MYO1D: variants seen among roughly 807,000 people sequenced by gnomAD.
MYO1D encodes unconventional myosin-Id.
MYO1D carries 83 observed loss-of-function variants against 122.0 expected under a neutral mutation model. The observed-to-expected ratio is 0.68, with a 90% CI of 0.57 to 0.82. The LOEUF is 0.82. Among genes scored for constraint, MYO1D ranks in the 40% least tolerant of loss-of-function variants. The pLI is 0.00. For missense variants in MYO1D, 1,157 were observed against 1,269.5 expected, an observed-to-expected ratio of 0.91 and a Z score of 1.35; for synonymous variants, 464 against 446.9, an observed-to-expected ratio of 1.04 and a Z score of -0.48.
chr17:32,505,112 T>G (rs1909459126), intron 21 of MYO1D: 1 of 152,360 alleles, frequency 6.6e-6, no homozygotes, highest in African/African-American at 2.4e-5. Flanking sequence ...CTCCACACAG[T>G]CATCAGAGAG....
chr17:32,859,720 A>G (rs1159643213), intron 1 of MYO1D, among the ~76,000 whole-genome samples: 1 of 152,226 alleles, frequency 6.6e-6, no homozygotes, highest in African/African-American at 2.4e-5. Context: ...CTTAAATGAC[A>G]TGGTTTCAAG....
At chr17:32,753,412 C>T (rs2089917619) in intron 11 of MYO1D, among the ~76,000 whole-genome samples, 1 of 152,000 alleles carries the variant, frequency 6.6e-6, no homozygotes, top group African/African-American at 2.4e-5. Context: ...AATAAATAAA[C>T]AAATAAATAA....
chr17:32,733,013 C>T (rs2089658553), intron 14 of MYO1D, among the ~76,000 whole-genome samples: 1 of 152,186 alleles, frequency 6.6e-6, no homozygotes, highest in Non-Finnish European at 1.5e-5. Context: ...TGTGCCGGCA[C>T]CTGGAGCTGC....
intron 21 of MYO1D, among the ~76,000 whole-genome samples, chr17:32,591,947 G>A (rs1466802040): frequency 6.6e-6 from 1 of 152,184 alleles, no homozygotes; most frequent in Non-Finnish European, 1.5e-5. Flanking sequence ...GATAAAGAAA[G>A]ACTGTCATAG....
intron 14 of MYO1D, among the ~76,000 whole-genome samples, chr17:32,730,572 C>G (rs1025163062): frequency 6.6e-6 from 1 of 152,020 alleles, no homozygotes; most frequent in Non-Finnish European, 1.5e-5. Context: ...TGCCTTTGTT[C>G]TGGAAAAAAT....
intron 15 of MYO1D, among the ~76,000 whole-genome samples, chr17:32,717,391 C>G (rs2089461736): frequency 6.6e-6 from 1 of 152,192 alleles, no homozygotes; most frequent in South Asian, 2.1e-4. Flanking sequence ...ACTTCTTCCC[C>G]ACCCTTACAA....
At chr17:32,548,995 G>A (rs1370717881) in intron 21 of MYO1D, among the ~76,000 whole-genome samples, 4 of 152,138 alleles carry the variant, frequency 2.6e-5, no homozygotes, top group South Asian at 2.1e-4. Flanking sequence ...TTACAGGCGT[G>A]AGCCACCGCG....
intron 1 of MYO1D, among the ~76,000 whole-genome samples, chr17:32,871,182 T>C (rs2091175832): frequency 6.6e-6 from 1 of 152,050 alleles, no homozygotes; most frequent in African/African-American, 2.4e-5. Flanking sequence ...ATTGCATGCA[T>C]GTGAGCACAA....
intron 1 of MYO1D, among the ~76,000 whole-genome samples, chr17:32,839,907 A>G (rs9900269): frequency 0.038 from 5,838 of 152,308 alleles, 367 homozygotes; most frequent in African/African-American, 0.13. Context: ...CCAGACACAT[A>G]ATGCCAAAAA....
At chr17:32,516,254 C>A (rs1174101405) in intron 21 of MYO1D, among the ~76,000 whole-genome samples, 1 of 152,212 alleles carries the variant, frequency 6.6e-6, no homozygotes, top group African/African-American at 2.4e-5. Context: ...GCATCTATTT[C>A]TGGCCTATAA....
At chr17:32,512,911 T>C (rs1273775215) in intron 21 of MYO1D, 1 of 152,164 alleles carries the variant, frequency 6.6e-6, no homozygotes, top group Admixed American at 6.5e-5. Context: ...TCAAGATGAG[T>C]GGGGGCTACA....
At chr17:32,643,282 C>T (rs1228883731) in intron 19 of MYO1D, among the ~76,000 whole-genome samples, 1 of 152,178 alleles carries the variant, frequency 6.6e-6, no homozygotes, top group African/African-American at 2.4e-5. Context: ...ACAACTTGAT[C>T]ATGGTGGATA....
chr17:32,726,676 T>C (rs973521898), intron 14 of MYO1D, among the ~76,000 whole-genome samples: 1 of 149,198 alleles, frequency 6.7e-6, no homozygotes, highest in Non-Finnish European at 1.5e-5. Context: ...GTAATATAGA[T>C]ACAGATAATA....
intron 21 of MYO1D, among the ~76,000 whole-genome samples, chr17:32,553,475 A>G (rs1329558585): frequency 3.9e-5 from 6 of 152,194 alleles, no homozygotes; most frequent in African/African-American, 1.2e-4. Flanking sequence ...AATGGACCTG[A>G]CATAGAATAG....
chr17:32,710,721 T>C (rs1352958027), intron 16 of MYO1D, among the ~76,000 whole-genome samples: 2 of 152,188 alleles, frequency 1.3e-5, no homozygotes, highest in Non-Finnish European at 2.9e-5. Context: ...ATTGAAGGCA[T>C]TTCTGCTAAT....
intron 19 of MYO1D, among the ~76,000 whole-genome samples, chr17:32,639,590 T>C (rs1431119997): frequency 6.6e-6 from 1 of 152,038 alleles, no homozygotes; most frequent in Non-Finnish European, 1.5e-5. Flanking sequence ...AGATAGTGTG[T>C]AGTGGCTCAA....
intron 21 of MYO1D, among the ~76,000 whole-genome samples, chr17:32,520,711 C>T (rs1910104431): frequency 6.6e-6 from 1 of 152,202 alleles, no homozygotes; most frequent in Non-Finnish European, 1.5e-5. Flanking sequence ...TTCATCTAGA[C>T]ATGATGCTAC....
chr17:32,791,705 TA>T (rs920583116), intron 1 of MYO1D, among the ~76,000 whole-genome samples: 3 of 152,212 alleles, frequency 2.0e-5, no homozygotes, highest in African/African-American at 7.2e-5. Flanking sequence ...ACCTTTTTTG[TA>T]AATTTGAAAT....
At chr17:32,617,041 C>T (rs2087779345) in intron 20 of MYO1D, among the ~76,000 whole-genome samples, 1 of 152,116 alleles carries the variant, frequency 6.6e-6, no homozygotes, top group Admixed American at 6.5e-5. Flanking sequence ...ATTAGCTGGG[C>T]ATGGTGGCGC....
Sources: gnomAD v4.1 joint callset for allele counts (sites outside exome capture counted in the v4.1 genomes callset) on GRCh38, gnomAD v4.1.1 for gene constraint, MANE v1.5 for transcripts, NCBI Gene and HGNC (gene_info 2026-07-23, HGNC 2026-07-21) for gene names.